The following THSD4 variants were observed in gnomAD, a reference collection of about 807,000 sequenced individuals.
THSD4 encodes the protein thrombospondin type 1 domain containing 4, also known as thrombospondin type-1 domain-containing protein 4.
Under a neutral mutation model 119.0 loss-of-function variants are expected in THSD4, and 69 were observed. The observed-to-expected ratio is 0.58, with a 90% CI of 0.48 to 0.71. The LOEUF (loss-of-function observed/expected upper bound fraction) is 0.71. THSD4 is among the 30% of genes least tolerant of loss of function. THSD4 has a pLI of 0.00. For synonymous variants in THSD4, 524 were observed against 540.4 expected, an observed-to-expected ratio of 0.97 and a Z score of 0.42; for missense variants, 1,393 against 1,391.1, an observed-to-expected ratio of 1.00 and a Z score of -0.02.
chr15:71,354,950 T>C (rs1430945627), intron 6 of THSD4, among the ~76,000 whole-genome samples: 1 of 152,232 alleles, frequency 6.6e-6, no homozygotes, highest in Non-Finnish European at 1.5e-5. Flanking sequence ...TTCCTGTGCC[T>C]GTACTTACGT....
intron 10 of THSD4, chr15:71,733,596 A>C (rs2141139656): frequency 6.6e-6 from 1 of 152,244 alleles, no homozygotes; most frequent in East Asian, 1.9e-4. Context: ...CATGAAGCAT[A>C]ATAACCAACT....
intron 6 of THSD4, among the ~76,000 whole-genome samples, chr15:71,399,409 A>T (rs879930659): frequency 3.3e-5 from 5 of 152,222 alleles, no homozygotes; most frequent in African/African-American, 7.2e-5. Context: ...TAAAAAGGGA[A>T]GAGAAGTTCC....
At chr15:71,166,555 CCCCGTGAGAAGAAGTTT>C (rs939499181) in intron 3 of THSD4, among the ~76,000 whole-genome samples, 6 of 152,074 alleles carry the variant, frequency 3.9e-5, no homozygotes, top group African/African-American at 1.4e-4. Flanking sequence ...CTTACTTTTT[CCCCGTGAGAAGAAGTTT>C]CCCTGGCTCT....
rs538367466 is a variant in THSD4, at chr15:71,536,200, G to C, written c.1153-124330G>C. Among the ~76,000 whole-genome samples the C allele has an allele frequency of 3.3e-5, 5 of 152,290 alleles. No individual in the cohort carries two copies. In the South Asian group the frequency reaches 1.0e-3, roughly 32 times the overall value. On this transcript the variant is annotated intron_variant, in intron 7 of 17. Transcript: ENST00000261862. ...ATGGGTCTCACTAGACTGCCATCAAGGTGTTGGCAAAACCGCAGGCCTTGT... is the reference window on the plus strand; with the variant it reads ...ATGGGTCTCACTAGACTGCCATCAACGTGTTGGCAAAACCGCAGGCCTTGT...
chr15:71,458,958 T>C (rs79057373), intron 7 of THSD4, among the ~76,000 whole-genome samples: 7,954 of 152,078 alleles, frequency 0.052, 303 homozygotes, highest in East Asian at 0.19. Flanking sequence ...CAGTCACAAG[T>C]TCTTTACTTT....
chr15:71,468,432 A>G (rs1425898318), intron 7 of THSD4, among the ~76,000 whole-genome samples: 1 of 152,210 alleles, frequency 6.6e-6, no homozygotes, highest in African/African-American at 2.4e-5. Context: ...CTCATATGCT[A>G]AAAGTCCCAT....
chr15:71,479,719 G>A (rs2047701919), intron 7 of THSD4, among the ~76,000 whole-genome samples: 2 of 152,060 alleles, frequency 1.3e-5, no homozygotes, highest in Admixed American at 1.3e-4. Flanking sequence ...TCACTCTTTA[G>A]GAGAAGGTTT....
chr15:71,442,660 G>GTGTATGTATGTATGTATATATATATA, intron 7 of THSD4, among the ~76,000 whole-genome samples: 1 of 25,826 alleles, frequency 3.9e-5, no homozygotes, highest in Admixed American at 5.1e-4. Context: ...GTGTGTGTGT[G>GTGTATGTATGTATGTATATATATATA]TATATATATA....
chr15:71,609,793 A>G (rs1177043095), intron 7 of THSD4, among the ~76,000 whole-genome samples: 11 of 147,266 alleles, frequency 7.5e-5, no homozygotes, highest in Non-Finnish European at 1.5e-4. Context: ...CAGAGCTTGC[A>G]GTGAGCGGAG....
Position 71,590,267 on chromosome 15 carries a change from C to T in THSD4, c.1153-70263C>T, listed in dbSNP as rs1567051153. 2.9e-5 allele frequency among the ~76,000 whole-genome samples: 4 copies of T among 138,626 alleles called. 1 individual carries two copies. In the South Asian group the frequency reaches 9.3e-4, roughly 32 times the overall value. 90.9% of individuals were successfully genotyped at this position (138,626 alleles called of 152,430 possible). A position where few individuals can be genotyped will look rare whatever the true frequency, so the allele number is the denominator to read the frequency against. ...TGTTCACAGCAGAATTTCAGAATGG[C>T]ATGAGCCAGTGCTGGACGAAGACTG... is the stretch of plus-strand genomic sequence containing the variant. On this transcript the variant is annotated intron_variant, in intron 7 of 17. Coordinates refer to ENST00000261862, the MANE Select transcript of THSD4 (RefSeq NM_024817.3).
intron 7 of THSD4, among the ~76,000 whole-genome samples, chr15:71,638,514 C>T (rs1339737081): frequency 1.3e-5 from 2 of 152,190 alleles, no homozygotes; most frequent in African/African-American, 4.8e-5. Flanking sequence ...CATTCTATGT[C>T]TATGAACAGT....
At chr15:71,182,097 C>T (rs1421115064) in intron 3 of THSD4, among the ~76,000 whole-genome samples, 1 of 147,088 alleles carries the variant, frequency 6.8e-6, no homozygotes, top group Non-Finnish European at 1.5e-5. Context: ...TTTGAGTGTT[C>T]CTTCTCTATG....
chr15:71,472,934 G>T (rs2047602939), intron 7 of THSD4, among the ~76,000 whole-genome samples: 2 of 152,154 alleles, frequency 1.3e-5, no homozygotes, highest in Admixed American at 6.5e-5. Context: ...CCTGATTTGT[G>T]CAGGCAGACT....
chr15:71,328,309 C>T (rs1438360342), intron 6 of THSD4, among the ~76,000 whole-genome samples: 1 of 152,194 alleles, frequency 6.6e-6, no homozygotes, highest in African/African-American at 2.4e-5. Context: ...TATCTAATTC[C>T]TAGAAGACAT....
chr15:71,334,046 T>A (rs576791566), intron 6 of THSD4, among the ~76,000 whole-genome samples: 2 of 152,296 alleles, frequency 1.3e-5, no homozygotes, highest in South Asian at 4.1e-4. Flanking sequence ...AGTTTCGAGT[T>A]GAGTTGATGA....
At chr15:71,327,923 T>G (rs1202247022) in intron 6 of THSD4, among the ~76,000 whole-genome samples, 2 of 152,226 alleles carry the variant, frequency 1.3e-5, no homozygotes, top group African/African-American at 4.8e-5. Context: ...GCCGGGTCTG[T>G]GCAAGAATGG....
At chr15:71,532,281 AGAGTGTGTGTGTGT>A (rs1448927431) in intron 7 of THSD4, among the ~76,000 whole-genome samples, 3 of 113,138 alleles carry the variant, frequency 2.7e-5, no homozygotes, top group African/African-American at 1.1e-4. Flanking sequence ...AGAGAGAGAG[AGAGTGTGTGTGTGT>A]GTGTGTGTGT....
chr15:71,425,646 G>A lies in THSD4; in HGVS notation c.1152+13823G>A, dbSNP rs112671217. On this transcript the variant is annotated intron_variant, in intron 7 of 17. Coordinates refer to ENST00000261862, the MANE Select transcript of THSD4 (RefSeq NM_024817.3). ...TTCATGGGAATGTATGTGCTGTCCC[G>A]TCAGTCTGGAGTGCCTTGCTGTGTC... 1.1e-3 allele frequency among the ~76,000 whole-genome samples: 162 copies of A among 152,282 alleles called. 1 individual carries two copies. The highest frequency in any genetic ancestry group is 3.4e-3 in the African/African-American group (143 of 41,564).
intron 7 of THSD4, among the ~76,000 whole-genome samples, chr15:71,532,283 AGTGTGTGTGTGTGT>A (rs1210856261): frequency 0.078 from 7,936 of 101,526 alleles, 998 homozygotes; most frequent in African/African-American, 0.26. Flanking sequence ...AGAGAGAGAG[AGTGTGTGTGTGTGT>A]GTGTGTGTGT....
Sources: gnomAD v4.1 joint callset for allele counts (sites outside exome capture counted in the v4.1 genomes callset) on GRCh38, gnomAD v4.1.1 for gene constraint, MANE v1.5 for transcripts, NCBI Gene and HGNC (gene_info 2026-07-23, HGNC 2026-07-21) for gene names.